The following COG6 variants were observed in gnomAD, a reference collection of about 807,000 sequenced individuals.
COG6 encodes the protein conserved oligomeric Golgi complex subunit 6.
Under a neutral mutation model 88.8 loss-of-function variants are expected in COG6, and 74 were observed. That is an observed-to-expected ratio of 0.83 (90% CI 0.69 to 1.01). The LOEUF is 1.01. Among genes scored for constraint, COG6 ranks in the 50% least tolerant of loss-of-function variants. The probability of loss-of-function intolerance (pLI) is 0.00; values close to 1 mark genes in which losing one functional copy is unlikely to be tolerated. For missense variants in COG6, 800 were observed against 797.9 expected, an observed-to-expected ratio of 1.00 and a Z score of -0.03; for synonymous variants, 286 against 278.7, an observed-to-expected ratio of 1.03 and a Z score of -0.26.
At chr13:39,759,088 A>C (rs947840173) in intron 18 of COG6, among the ~76,000 whole-genome samples, 2 of 152,204 alleles carry the variant, frequency 1.3e-5, no homozygotes, top group Non-Finnish European at 2.9e-5. Flanking sequence ...GATCGGGAAG[A>C]GACAGCTAAC....
intron 13 of COG6, among the ~76,000 whole-genome samples, chr13:39,710,173 C>G (rs1878159634): frequency 6.6e-6 from 1 of 152,148 alleles, no homozygotes; most frequent in Non-Finnish European, 1.5e-5. Flanking sequence ...GTTTCTCTCA[C>G]TAACCTTTCA....
chr13:39,663,634 C>T (rs1049629623), intron 3 of COG6, among the ~76,000 whole-genome samples: 2 of 152,050 alleles, frequency 1.3e-5, no homozygotes, highest in Non-Finnish European at 2.9e-5. Context: ...CGTGGTGGCT[C>T]ACACCTGTAA....
At chr13:39,753,628 T>C (rs1318579229), downstream of COG6, among the ~76,000 whole-genome samples, 1 of 152,140 alleles carries the variant, frequency 6.6e-6, no homozygotes, top group Non-Finnish European at 1.5e-5. Context: ...TGTTTTGTAC[T>C]TGAGATGTTA....
At chr13:39,715,839 A>T (rs980309429) in intron 13 of COG6, among the ~76,000 whole-genome samples, 4 of 152,056 alleles carry the variant, frequency 2.6e-5, no homozygotes, top group African/African-American at 9.7e-5. Context: ...ACTGATATGC[A>T]TATATTTATA....
chr13:39,683,338 G>C (rs1876430209), intron 8 of COG6, among the ~76,000 whole-genome samples: 1 of 152,172 alleles, frequency 6.6e-6, no homozygotes, highest in Admixed American at 6.5e-5. Flanking sequence ...AGTTTCCTAA[G>C]GAATTAGGTA....
At position 39,750,949 on chromosome 13, in the gene COG6, G is replaced by A. The variant is rs200866607; in HGVS notation, c.1830G>A (p.Glu610=). ...LNFLLSATVK[E]QIVKQSTELV... is the part of the protein sequence containing the mutation. ...CATTTTGTTTGCTTATCAATAGAGA[G>A]CAGATCGTAAAACAATCTACAGAAT... is the stretch of plus-strand genomic sequence containing the variant. The change falls in exon 19 of 19, where the codon GAG becomes GAA. Residue 610 remains glutamate, a synonymous_variant. Coordinates refer to ENST00000455146, the MANE Select transcript of COG6 (RefSeq NM_020751.3). 7.2e-5 allele frequency: 116 copies of A among 1,612,868 alleles called. No individual in the cohort carries two copies. The highest frequency in any genetic ancestry group is 8.7e-5 in the Non-Finnish European group (103 of 1,179,294).
At chr13:39,726,425 C>T (rs527393786) in intron 17 of COG6, among the ~76,000 whole-genome samples, 1 of 151,996 alleles carries the variant, frequency 6.6e-6, no homozygotes, top group East Asian at 1.9e-4. Context: ...TGAATTAATT[C>T]ATACATATCC....
intron 13 of COG6, among the ~76,000 whole-genome samples, chr13:39,701,488 C>T (rs1237366579): frequency 2.0e-5 from 3 of 151,768 alleles, no homozygotes; most frequent in Non-Finnish European, 2.9e-5. Flanking sequence ...TCTTGGGAAA[C>T]ACTGACGTTT....
At chr13:39,686,878 C>T (rs77880159) in intron 8 of COG6, among the ~76,000 whole-genome samples, 4 of 151,912 alleles carry the variant, frequency 2.6e-5, no homozygotes, top group Admixed American at 2.0e-4. Flanking sequence ...TATAGGCATG[C>T]ACCACCATGC....
chr13:39,772,509 G>A (rs1347077251), intron 18 of COG6, among the ~76,000 whole-genome samples: 2 of 152,134 alleles, frequency 1.3e-5, no homozygotes, highest in African/African-American at 4.8e-5. Flanking sequence ...TCATCTTTGT[G>A]TTCTTTATAG....
intron 1 of COG6, among the ~76,000 whole-genome samples, chr13:39,656,606 G>A (rs529278691): frequency 6.2e-4 from 95 of 152,146 alleles, no homozygotes; most frequent in African/African-American, 2.1e-3. Flanking sequence ...GTAACATAAA[G>A]AAGAACATAT....
intron 8 of COG6, among the ~76,000 whole-genome samples, chr13:39,684,409 C>T (rs1409207539): frequency 1.3e-5 from 2 of 150,886 alleles, no homozygotes; most frequent in African/African-American, 4.9e-5. Context: ...GCCACCTCGC[C>T]CGGCTAATTT....
rs34210362 is a variant in COG6, at chr13:39,758,218, C to CAA, written c.1827-30094_1827-30093dup. 6.6e-3 allele frequency among the ~76,000 whole-genome samples: 364 copies of CAA among 55,424 alleles called. 3 individuals carry two copies. The highest frequency in any genetic ancestry group is 0.013 in the African/African-American group (185 of 14,196). 36.4% of individuals were successfully genotyped at this position (55,424 alleles called of 152,430 possible). On this transcript the variant is annotated intron_variant, in intron 18 of 18. Transcript: ENST00000416691. ...CTGGCGACAGAGCGAGATGCCTTCTCAAAAAAAAAAAAAAAAAAAAAAAAT... is the reference window on the plus strand; with the variant it reads ...CTGGCGACAGAGCGAGATGCCTTCTCAAAAAAAAAAAAAAAAAAAAAAAAAAT...
intron 18 of COG6, among the ~76,000 whole-genome samples, chr13:39,728,380 A>G (rs1017772749): frequency 5.3e-5 from 8 of 152,158 alleles, no homozygotes; most frequent in African/African-American, 1.7e-4. Context: ...TGAGTATAGA[A>G]CTACAGCAGA....
chr13:39,667,776 A>G (rs1349816365), intron 4 of COG6, among the ~76,000 whole-genome samples: 1 of 152,156 alleles, frequency 6.6e-6, no homozygotes, highest in Non-Finnish European at 1.5e-5. Flanking sequence ...GGTCTCAAAA[A>G]ATGATGTAGG....
At chr13:39,739,275 G>A (rs1231369671) in intron 18 of COG6, among the ~76,000 whole-genome samples, 1 of 151,880 alleles carries the variant, frequency 6.6e-6, no homozygotes, top group Non-Finnish European at 1.5e-5. Flanking sequence ...AATGAATGTG[G>A]ATAACTTAAG....
intron 1 of COG6, among the ~76,000 whole-genome samples, chr13:39,658,689 T>G (rs1874690326): frequency 6.6e-6 from 1 of 152,090 alleles, no homozygotes; most frequent in South Asian, 2.1e-4. Flanking sequence ...CACTTTAGGG[T>G]CTTTGTACTC....
At chr13:39,679,461 T>C (rs1357138610) in intron 5 of COG6, 77 bp from the exon 6 acceptor site, 1 of 821,074 alleles carries the variant, frequency 1.2e-6, no homozygotes, top group East Asian at 2.4e-5. Context: ...TGTTTGCCCT[T>C]GGTAGTGACC....
At chr13:39,672,579 A>G (rs1029682515) in intron 4 of COG6, among the ~76,000 whole-genome samples, 4 of 152,038 alleles carry the variant, frequency 2.6e-5, no homozygotes, top group Non-Finnish European at 5.9e-5. Flanking sequence ...ATGTTACTTT[A>G]ACCTTTTTTA....
Sources: allele counts gnomAD v4.1 joint callset (sites outside exome capture counted in the v4.1 genomes callset), GRCh38; gene constraint gnomAD v4.1.1; transcripts MANE v1.5; gene names NCBI Gene and HGNC (gene_info 2026-07-23, HGNC 2026-07-21).